The following ZNF334 variants were observed in gnomAD, a reference collection of about 807,000 sequenced individuals.
ZNF334 encodes the protein zinc finger protein 334.
A neutral mutation model predicts 12.4 loss-of-function variants in ZNF334; 14 were observed. The ratio of observed to expected loss-of-function variants is 1.13; its 90% CI spans 0.74 to 1.76. The LOEUF (loss-of-function observed/expected upper bound fraction) is 1.76, where lower values mean the gene tolerates loss of function less well. Ranked by LOEUF, ZNF334 falls within the 40% of genes most tolerant of loss-of-function variation. The probability of loss-of-function intolerance (pLI) is 0.00; values close to 1 mark genes in which losing one functional copy is unlikely to be tolerated. For synonymous variants in ZNF334, 273 were observed against 269.6 expected, an observed-to-expected ratio of 1.01 and a Z score of -0.12; for missense variants, 797 against 804.5, an observed-to-expected ratio of 0.99 and a Z score of 0.11.
intron 2 of ZNF334, among the ~76,000 whole-genome samples, chr20:46,508,192 C>G (rs1478463063): frequency 6.6e-6 from 1 of 152,174 alleles, no homozygotes; most frequent in Non-Finnish European, 1.5e-5. Context: ...GAATGATGAT[C>G]CATTCAGAGC....
intron 2 of ZNF334, among the ~76,000 whole-genome samples, chr20:46,508,489 G>A (rs2061519494): frequency 6.6e-6 from 1 of 152,216 alleles, no homozygotes; most frequent in Non-Finnish European, 1.5e-5. Flanking sequence ...GCAGAAAAGG[G>A]GTAGAAAGTC....
In ZNF334 at chr20:46,500,303, C is replaced by A. The variant is rs1285668752; in HGVS notation, c.*993G>T. Reference sequence around the variant, plus strand: ...TTGAAAGGTAAACATTTCCCAATAACCCCATAAAAGTGGCAATCCTACCTC... The same window carrying A: ...TTGAAAGGTAAACATTTCCCAATAAACCCATAAAAGTGGCAATCCTACCTC... On this transcript the variant is annotated 3_prime_UTR_variant, in exon 5 of 5. Transcript: ENST00000692313. The A allele has an allele frequency of 1.3e-5, 2 of 151,944 alleles. No individual in the cohort carries two copies. Among genetic ancestry groups the A allele is most frequent in the Non-Finnish European group, 2.9e-5 (2 of 68,016 alleles). 9.4% of individuals were successfully genotyped at this position (151,944 alleles called of 1,614,324 possible).
At chr20:46,508,901 A>G (rs2061538557) in intron 2 of ZNF334, among the ~76,000 whole-genome samples, 1 of 152,152 alleles carries the variant, frequency 6.6e-6, no homozygotes, top group South Asian at 2.1e-4. Flanking sequence ...TGTATATTAA[A>G]TTTTCTTCAA....
chr20:46,504,317 G>C lies in ZNF334; in HGVS notation c.149-11C>G, dbSNP rs780104974. ...TGCTAACATGATACCCTGTTAATGGGAAATTACAGAACTTGGACCAAGATC... is the reference window on the plus strand; with the variant it reads ...TGCTAACATGATACCCTGTTAATGGCAAATTACAGAACTTGGACCAAGATC... On this transcript the variant is annotated splice_polypyrimidine_tract_variant and intron_variant, in intron 3 of 4. Transcript: ENST00000692313. The C allele has an allele frequency of 6.2e-7, 1 of 1,609,196 alleles. No individual in the cohort carries two copies.
chr20:46,504,055 A>T (rs140965868), intron 4 of ZNF334, among the ~76,000 whole-genome samples, 159 bp downstream of exon 4: 2,574 of 152,340 alleles, frequency 0.017, 29 homozygotes, highest in Non-Finnish European at 0.026. Flanking sequence ...AATGTTTCAG[A>T]TGTCCATAGC....
chr20:46,509,647 C>T lies in ZNF334; in HGVS notation c.21+2435G>A, dbSNP rs1453873811. On this transcript the variant is annotated intron_variant, in intron 2 of 4. Transcript: ENST00000692313. ...TTTCCCTTCATTCAAGGTTCACCCA[C>T]GGTGAGTTAACTTGCGCACACTTCC... 1.0e-5 allele frequency: 7 copies of T among 702,948 alleles called. 1 individual carries two copies. Among genetic ancestry groups the T allele is most frequent in the South Asian group, 4.4e-5 (3 of 67,608 alleles). The allele number at this position is 702,948 out of a possible 1,614,324, so 43.5% of individuals were successfully genotyped here. A position where few individuals can be genotyped will look rare whatever the true frequency, so the allele number is the denominator to read the frequency against.
rs780997597 is a variant in ZNF334, at chr20:46,501,565, G to A, written c.1774C>T (p.Arg592Ter). The change falls in exon 5 of 5, where the codon CGA (arginine) becomes TGA (stop). Residue 592 changes from arginine (R) to a stop codon, truncating the protein, a stop_gained. Transcript: ENST00000692313. LOFTEE classifies it low-confidence loss of function (END_TRUNC). Reference protein sequence around the residue: ...CQKFSFVEHQRTHTGEKPYEC... With the variant: ...CQKFSFVEHQ The stretch of plus-strand genomic sequence containing the variant: ...TATGGTTTCTCCCCAGTGTGAGTTC[G>A]CTGATGTTCAACAAAGGAGAACTTC... 43 of 1,613,056 alleles carry A rather than the reference G, an allele frequency of 2.7e-5. No homozygotes were observed. Among genetic ancestry groups the A allele is most frequent in the African/African-American group, 4.0e-5 (3 of 74,586 alleles).
At chr20:46,477,626 CA>C in the ZNF334 span, among the ~76,000 whole-genome samples, 1 of 152,242 alleles carries the variant, frequency 6.6e-6, no homozygotes, top group South Asian at 2.1e-4. Context: ...TATGAGCCGC[CA>C]TGGCTGGCCG....
the ZNF334 span, among the ~76,000 whole-genome samples, chr20:46,485,995 T>C: frequency 1.3e-5 from 2 of 152,332 alleles, no homozygotes; most frequent in East Asian, 3.9e-4. Context: ...CTGCAAGATG[T>C]TTTTCGGATC....
At chr20:46,478,412 T>C in the ZNF334 span, among the ~76,000 whole-genome samples, 1 of 152,224 alleles carries the variant, frequency 6.6e-6, no homozygotes, top group Non-Finnish European at 1.5e-5. Flanking sequence ...ATTAAGTTAT[T>C]ACCTAAAGAC....
intron 2 of ZNF334, among the ~76,000 whole-genome samples, chr20:46,508,137 T>C (rs1489365801): frequency 6.6e-6 from 1 of 152,186 alleles, no homozygotes; most frequent in East Asian, 1.9e-4. Context: ...AGAAACTCGA[T>C]TCTCCCGGTG....
intron 2 of ZNF334, 67 bp from the exon 3 acceptor site, chr20:46,504,807 T>C (rs1003651359): frequency 1.0e-5 from 15 of 1,436,564 alleles, no homozygotes; most frequent in Non-Finnish European, 1.4e-5. Flanking sequence ...TAACATAAAC[T>C]ATAAGAAGAC....
chr20:46,485,110 G>C, the ZNF334 span: 1 of 167,054 alleles, frequency 6.0e-6, no homozygotes, highest in East Asian at 1.9e-4. Context: ...CAAGCAGATG[G>C]AAGTCATCAC....
chr20:46,493,129 T>G, the ZNF334 span, among the ~76,000 whole-genome samples: 1 of 152,104 alleles, frequency 6.6e-6, no homozygotes, highest in African/African-American at 2.4e-5. Context: ...TCAACTAAAT[T>G]TGAAATTGGA....
the ZNF334 span, among the ~76,000 whole-genome samples, chr20:46,487,924 G>C: frequency 3.9e-5 from 6 of 152,270 alleles, no homozygotes; most frequent in East Asian, 1.2e-3. Context: ...TGCCCTCTAA[G>C]GGCACCTGGC....
At chr20:46,477,479 T>C in the ZNF334 span, among the ~76,000 whole-genome samples, 8 of 152,126 alleles carry the variant, frequency 5.3e-5, no homozygotes, top group South Asian at 2.1e-4. Flanking sequence ...GCCTGGACTA[T>C]AGGCACATGC....
rs540298511 is a variant in ZNF334 at position 46,503,212 on chromosome 20, A to G, written c.242-115T>C. On this transcript the variant is annotated intron_variant, in intron 4 of 4. Transcript: ENST00000692313. The stretch of plus-strand genomic sequence containing the variant: ...GGTTAGACTTCAGGCCAAGCCTTCC[A>G]AGATTAAACAAATTTCAAGTGCAAA... 21 of 1,191,206 alleles carry G rather than the reference A, an allele frequency of 1.8e-5. No individual in the cohort carries two copies. In the African/African-American group the frequency reaches 2.8e-4, roughly 16 times the overall value. 73.8% of individuals were successfully genotyped at this position (1,191,206 alleles called of 1,614,324 possible). A position where few individuals can be genotyped will look rare whatever the true frequency, so the allele number is the denominator to read the frequency against.
At chr20:46,510,707 G>T (rs943634840) in intron 2 of ZNF334, among the ~76,000 whole-genome samples, 1 of 148,642 alleles carries the variant, frequency 6.7e-6, no homozygotes, top group African/African-American at 2.5e-5. Context: ...GCAGTGAGCT[G>T]AGATCGTGCC....
At chr20:46,496,424 G>C (rs1229640447), downstream of ZNF334, among the ~76,000 whole-genome samples, 1 of 152,232 alleles carries the variant, frequency 6.6e-6, no homozygotes, top group Non-Finnish European at 1.5e-5. Flanking sequence ...AGGAGTGAAA[G>C]AAAATTGAAT....
Sources: gnomAD v4.1 joint callset for allele counts (sites outside exome capture counted in the v4.1 genomes callset) on GRCh38, gnomAD v4.1.1 for gene constraint, MANE v1.5 for transcripts, NCBI Gene and HGNC (gene_info 2026-07-23, HGNC 2026-07-21) for gene names.